The following CDH20 variants were observed in gnomAD, a reference collection of about 807,000 sequenced individuals.
The protein encoded by CDH20 is cadherin-20.
A neutral mutation model predicts 74.2 loss-of-function variants in CDH20; 29 were observed. That is an observed-to-expected ratio of 0.39 (90% CI 0.29 to 0.53). CDH20 has a LOEUF of 0.53. Among genes scored for constraint, CDH20 ranks in the 20% least tolerant of loss-of-function variants. The pLI, the probability that CDH20 is intolerant of heterozygous loss-of-function variation, is 0.69. For synonymous variants in CDH20, 469 were observed against 405.4 expected (o/e 1.16, Z -1.88); for missense variants, 988 against 1,048.3 (o/e 0.94, Z 0.79).
Position 61,520,132 on chromosome 18 carries a change from C to T in CDH20, c.1018-7835C>T, listed in dbSNP as rs187378688. Among the ~76,000 whole-genome samples the T allele has an allele frequency of 5.2e-3, 778 of 150,122 alleles. 32 individuals carry two copies. The highest frequency in any genetic ancestry group is 0.018 in the African/African-American group (729 of 40,130). ...GAGATCAAGACCATCCTGGCTAACA[C>T]GATGAAACCCCATCTCTACTAAAAA... is the stretch of plus-strand genomic sequence containing the variant. On this transcript the variant is annotated intron_variant, in intron 6 of 11. Coordinates refer to ENST00000262717, the MANE Select transcript of CDH20 (RefSeq NM_031891.4).
At chr18:61,513,216 G>C (rs1057049700) in intron 6 of CDH20, among the ~76,000 whole-genome samples, 32 of 145,856 alleles carry the variant, frequency 2.2e-4, no homozygotes, top group East Asian at 6.0e-4. Context: ...ATTTAGGATA[G>C]TTAGCTCTTC....
At chr18:61,497,718 A>C (rs553461697) in intron 2 of CDH20, among the ~76,000 whole-genome samples, 1 of 152,334 alleles carries the variant, frequency 6.6e-6, no homozygotes, top group South Asian at 2.1e-4. Context: ...CCTCACACTT[A>C]TAAGGAAATT....
At chr18:61,355,861 A>G (rs1308804670) in intron 1 of CDH20, among the ~76,000 whole-genome samples, 1 of 152,236 alleles carries the variant, frequency 6.6e-6, no homozygotes, top group Non-Finnish European at 1.5e-5. Flanking sequence ...AAAAAGTCAG[A>G]TAAAAGTCTT....
At chr18:61,347,805 A>G (rs116454594) in intron 1 of CDH20, among the ~76,000 whole-genome samples, 1,817 of 152,292 alleles carry the variant, frequency 0.012, 35 homozygotes, top group African/African-American at 0.041. Flanking sequence ...GGGAAATGCC[A>G]TATGTAAGTT....
chr18:61,414,769 TTA>T (rs1302487457), intron 1 of CDH20, among the ~76,000 whole-genome samples: 36 of 152,082 alleles, frequency 2.4e-4, no homozygotes, highest in African/African-American at 7.2e-4. Flanking sequence ...GAGAATTTTT[TTA>T]TGTTTATTAA....
intron 6 of CDH20, among the ~76,000 whole-genome samples, chr18:61,512,458 T>C (rs975834600): frequency 6.6e-6 from 1 of 152,208 alleles, no homozygotes; most frequent in African/African-American, 2.4e-5. Flanking sequence ...CATTGTCTTA[T>C]GGGTCATTTA....
At chr18:61,436,099 CTTCAT>C (rs1004384471) in intron 1 of CDH20, among the ~76,000 whole-genome samples, 1 of 152,054 alleles carries the variant, frequency 6.6e-6, no homozygotes, top group Admixed American at 6.6e-5. Context: ...CATTTTAGGA[CTTCAT>C]TTATTTTCAT....
At chr18:61,476,664 T>G (rs1910400963) in intron 1 of CDH20, among the ~76,000 whole-genome samples, 1 of 152,180 alleles carries the variant, frequency 6.6e-6, no homozygotes, top group African/African-American at 2.4e-5. Flanking sequence ...CTTGGTCTAG[T>G]TGGTTACCTT....
chr18:61,365,656 C>T (rs942314925), intron 1 of CDH20, among the ~76,000 whole-genome samples: 1 of 152,040 alleles, frequency 6.6e-6, no homozygotes, highest in Non-Finnish European at 1.5e-5. Flanking sequence ...AGGTTGCTGA[C>T]TGTATAGCTG....
intron 1 of CDH20, among the ~76,000 whole-genome samples, chr18:61,403,262 T>C (rs1467071034): frequency 1.3e-5 from 2 of 152,202 alleles, no homozygotes; most frequent in African/African-American, 4.8e-5. Flanking sequence ...AGAACGTGTT[T>C]GGTCTTAACT....
chr18:61,333,510 G>T lies in CDH20; in HGVS notation c.-470G>T, dbSNP rs1909637099. 6.6e-6 allele frequency: 1 copy of T among 152,372 alleles called. No homozygotes were observed. The highest frequency in any genetic ancestry group is 2.4e-5 in the African/African-American group (1 of 41,452). 9.4% of individuals were successfully genotyped at this position (152,372 alleles called of 1,614,324 possible). A position where few individuals can be genotyped will look rare whatever the true frequency, so the allele number is the denominator to read the frequency against. On this transcript the variant is annotated 5_prime_UTR_variant, in exon 1 of 12. Transcript: ENST00000262717. Reference sequence around the variant, plus strand: ...CGGGGGACGGTGACCGCGACCAGGGGGCTCTTCTCACTGGACAGGCCGAAC... The same window carrying T: ...CGGGGGACGGTGACCGCGACCAGGGTGCTCTTCTCACTGGACAGGCCGAAC...
At chr18:61,471,947 A>G (rs544769165) in intron 1 of CDH20, among the ~76,000 whole-genome samples, 1 of 152,320 alleles carries the variant, frequency 6.6e-6, no homozygotes, top group East Asian at 1.9e-4. Flanking sequence ...GAAATGCATC[A>G]GTAGCTGATA....
chr18:61,447,421 A>G (rs540184256), intron 1 of CDH20, among the ~76,000 whole-genome samples: 1 of 152,318 alleles, frequency 6.6e-6, no homozygotes, highest in East Asian at 1.9e-4. Flanking sequence ...GACACTTAAC[A>G]TGTGTGGTAA....
chr18:61,548,455 G>C (rs561100437), intron 10 of CDH20, among the ~76,000 whole-genome samples: 1 of 152,294 alleles, frequency 6.6e-6, no homozygotes, highest in Admixed American at 6.5e-5. Context: ...AAATTGTGAA[G>C]ATTGAGTGAG....
chr18:61,382,037 C>T (rs1911449073), intron 1 of CDH20, among the ~76,000 whole-genome samples: 1 of 152,156 alleles, frequency 6.6e-6, no homozygotes, highest in Non-Finnish European at 1.5e-5. Context: ...ATCTCTTGCT[C>T]ATCAATCCCA....
At chr18:61,480,371 C>T (rs1300973326) in intron 1 of CDH20, among the ~76,000 whole-genome samples, 2 of 152,192 alleles carry the variant, frequency 1.3e-5, no homozygotes, top group Non-Finnish European at 2.9e-5. Flanking sequence ...CTCAGGAGGT[C>T]CTGACGACAT....
intron 1 of CDH20, among the ~76,000 whole-genome samples, chr18:61,336,029 C>G (rs754833920): frequency 6.6e-6 from 1 of 152,096 alleles, no homozygotes; most frequent in Non-Finnish European, 1.5e-5. Context: ...CAGTTCTCAC[C>G]GGAAAGGCGT....
chr18:61,492,491 G>A (rs1910993734), intron 2 of CDH20, among the ~76,000 whole-genome samples: 1 of 152,102 alleles, frequency 6.6e-6, no homozygotes, highest in South Asian at 2.1e-4. Flanking sequence ...ACTGTGCATT[G>A]AATCCTCCAG....
At chr18:61,381,926 C>G (rs1371802621) in intron 1 of CDH20, among the ~76,000 whole-genome samples, 2 of 152,196 alleles carry the variant, frequency 1.3e-5, no homozygotes, top group African/African-American at 4.8e-5. Flanking sequence ...TTCAAATAAA[C>G]TGGAAATTTC....
Sources: gnomAD v4.1 joint callset for allele counts (sites outside exome capture counted in the v4.1 genomes callset) on GRCh38, gnomAD v4.1.1 for gene constraint, MANE v1.5 for transcripts, NCBI Gene and HGNC (gene_info 2026-07-23, HGNC 2026-07-21) for gene names.